Variants in NRG1 observed in about 807,000 individuals in gnomAD.
The protein encoded by NRG1 is neuregulin 1.
In NRG1, 18 loss-of-function variants were observed where a neutral mutation model predicts 63.8. That is an observed-to-expected ratio of 0.28 (90% CI 0.19 to 0.42). The LOEUF is 0.42. Ranked by LOEUF, NRG1 falls within the 10% of genes least tolerant of loss-of-function variation. The pLI is 1.00. For synonymous variants in NRG1, 302 were observed against 301.3 expected, an observed-to-expected ratio of 1.00 and a Z score of -0.02; for missense variants, 762 against 814.7, an observed-to-expected ratio of 0.94 and a Z score of 0.79.
intron 1 of NRG1, among the ~76,000 whole-genome samples, chr8:32,204,869 A>G (rs979851177): frequency 1.3e-5 from 2 of 152,216 alleles, no homozygotes; most frequent in Non-Finnish European, 2.9e-5. Context: ...ACATATGTTA[A>G]TGATTTCCTG....
intron 1 of NRG1, among the ~76,000 whole-genome samples, chr8:32,334,416 A>G (rs1685112): frequency 0.012 from 1,883 of 152,304 alleles, 39 homozygotes; most frequent in African/African-American, 0.043. Context: ...TCAGAAGTTG[A>G]GTAAATATCC....
intron 1 of NRG1, among the ~76,000 whole-genome samples, chr8:32,014,076 C>T (rs555590239): frequency 3.7e-4 from 57 of 152,080 alleles, no homozygotes; most frequent in Non-Finnish European, 7.2e-4. Context: ...GTAGTTTTTT[C>T]TAATTCTGTG....
chr8:32,402,528 C>T (rs548542975), intron 1 of NRG1, among the ~76,000 whole-genome samples: 1 of 152,232 alleles, frequency 6.6e-6, no homozygotes, highest in South Asian at 2.1e-4. Context: ...GAATTCTTCC[C>T]CTTTGTCCAG....
intron 1 of NRG1, among the ~76,000 whole-genome samples, chr8:32,351,426 T>C (rs1805593064): frequency 6.6e-6 from 1 of 152,194 alleles, no homozygotes; most frequent in Admixed American, 6.5e-5. Context: ...TCGGGGTACT[T>C]CGGTCCATAA....
At chr8:31,735,371 G>A (rs1814556389) in intron 1 of NRG1, among the ~76,000 whole-genome samples, 1 of 152,000 alleles carries the variant, frequency 6.6e-6, no homozygotes, top group African/African-American at 2.4e-5. Flanking sequence ...TTAAATTAGA[G>A]CTTTACCTTT....
intron 1 of NRG1, among the ~76,000 whole-genome samples, chr8:31,673,986 C>T (rs113679461): frequency 3.9e-5 from 6 of 152,110 alleles, no homozygotes; most frequent in Non-Finnish European, 8.8e-5. Context: ...CAATAATTTA[C>T]TTCTTATCTC....
At chr8:32,075,954 TGAAC>T (rs1826458120) in intron 1 of NRG1, among the ~76,000 whole-genome samples, 1 of 152,242 alleles carries the variant, frequency 6.6e-6, no homozygotes, top group African/African-American at 2.4e-5. Flanking sequence ...ATTACAGGCA[TGAAC>T]CACCGCGCTC....
At chr8:31,952,756 C>G (rs1409818609) in intron 1 of NRG1, among the ~76,000 whole-genome samples, 2 of 152,128 alleles carry the variant, frequency 1.3e-5, no homozygotes, top group East Asian at 3.9e-4. Flanking sequence ...AACACTTGAC[C>G]CAGACCGCAA....
At chr8:31,753,892 T>C (rs1816717769) in intron 1 of NRG1, among the ~76,000 whole-genome samples, 1 of 152,152 alleles carries the variant, frequency 6.6e-6, no homozygotes, top group Non-Finnish European at 1.5e-5. Context: ...TGGTTCTGAA[T>C]GACCAGGTAT....
chr8:31,748,467 A>G (rs1191505697), intron 1 of NRG1, among the ~76,000 whole-genome samples: 1 of 151,886 alleles, frequency 6.6e-6, no homozygotes, highest in Non-Finnish European at 1.5e-5. Context: ...ACTATTTCAC[A>G]TTTTGCCTCA....
At chr8:32,080,891 G>T (rs537344152) in intron 1 of NRG1, among the ~76,000 whole-genome samples, 1 of 151,868 alleles carries the variant, frequency 6.6e-6, no homozygotes, top group East Asian at 1.9e-4. Context: ...AAATCTTCAG[G>T]CTGGGTTGGC....
At chr8:31,653,153 T>A (rs1805074200) in intron 1 of NRG1, among the ~76,000 whole-genome samples, 1 of 151,938 alleles carries the variant, frequency 6.6e-6, no homozygotes, top group South Asian at 2.1e-4. Context: ...ATTATTGATC[T>A]TTAGAATGAT....
chr8:32,679,072 G>A (rs72634879), intron 5 of NRG1, among the ~76,000 whole-genome samples: 5,057 of 151,996 alleles, frequency 0.033, 100 homozygotes, highest in Middle Eastern at 0.065. Flanking sequence ...TGGGAGGATC[G>A]CTTGAGTCCA....
chr8:32,153,907 G>A (rs1837778404), intron 1 of NRG1, among the ~76,000 whole-genome samples: 1 of 152,194 alleles, frequency 6.6e-6, no homozygotes, highest in Non-Finnish European at 1.5e-5. Context: ...TAGGGATCAA[G>A]TAACCACCCT....
chr8:31,981,030 G>GAT (rs971274867), intron 1 of NRG1, among the ~76,000 whole-genome samples: 5 of 151,954 alleles, frequency 3.3e-5, no homozygotes, highest in African/African-American at 1.2e-4. Context: ...TAACCCAGAA[G>GAT]ATATTTATGT....
At chr8:32,286,763 G>A (rs1027296022) in intron 1 of NRG1, among the ~76,000 whole-genome samples, 1 of 152,120 alleles carries the variant, frequency 6.6e-6, no homozygotes, top group Non-Finnish European at 1.5e-5. Context: ...CTTAGAGGCC[G>A]AGGCAGGTGG....
chr8:32,713,235 C>G (rs1818258860), intron 5 of NRG1, among the ~76,000 whole-genome samples: 1 of 152,120 alleles, frequency 6.6e-6, no homozygotes, highest in Non-Finnish European at 1.5e-5. Flanking sequence ...AGCTTCCCAT[C>G]AGGATTTGAA....
chr8:32,513,184 T>TGC (rs1371120205), intron 1 of NRG1, among the ~76,000 whole-genome samples: 2 of 146,688 alleles, frequency 1.4e-5, no homozygotes, highest in African/African-American at 2.6e-5. Context: ...TGTGTGTGTG[T>TGC]GTGTGTGTAT....
At position 32,572,047 on chromosome 8, in the gene NRG1, A is replaced by G. The variant is rs1838697918; in HGVS notation, c.100+23221A>G. ...ATGTCCTATCTTCTCTATATTCCTA[A>G]GTTGCCCACATTTTAAAATCTGCCT... On this transcript the variant is annotated intron_variant, in intron 1 of 11. Coordinates refer to ENST00000356819, the Ensembl canonical transcript of NRG1. 2.6e-5 allele frequency among the ~76,000 whole-genome samples: 4 copies of G among 152,214 alleles called. No homozygotes were observed. In the South Asian group the frequency reaches 8.3e-4, roughly 32 times the overall value.
Sources: gnomAD v4.1 joint callset for allele counts (sites outside exome capture counted in the v4.1 genomes callset) on GRCh38, gnomAD v4.1.1 for gene constraint, MANE v1.5 for transcripts, NCBI Gene and HGNC (gene_info 2026-07-23, HGNC 2026-07-21) for gene names.